Variants in DCC observed in about 807,000 individuals in gnomAD.
DCC encodes DCC netrin 1 receptor.
A neutral mutation model predicts 172.5 loss-of-function variants in DCC; 58 were observed. That is an observed-to-expected ratio of 0.34 (90% CI 0.27 to 0.42). The LOEUF is 0.42. Ranked by LOEUF, DCC falls within the 10% of genes least tolerant of loss-of-function variation. DCC has a pLI of 1.00. For synonymous variants in DCC, 709 were observed against 644.5 expected (o/e 1.10, Z -1.52); for missense variants, 1,740 against 1,791.0 (o/e 0.97, Z 0.51).
intron 1 of DCC, among the ~76,000 whole-genome samples, chr18:52,440,692 A>T (rs1357206352): frequency 2.0e-5 from 3 of 152,236 alleles, no homozygotes; most frequent in Non-Finnish European, 1.5e-5. Context: ...TTAGAAGAAC[A>T]TTAACTTTTT....
At chr18:53,492,541 A>G (rs969533358) in intron 26 of DCC, among the ~76,000 whole-genome samples, 1 of 152,162 alleles carries the variant, frequency 6.6e-6, no homozygotes, top group Non-Finnish European at 1.5e-5. Flanking sequence ...CAGTTTTCCC[A>G]ACACCATTTA....
At chr18:53,161,769 GTAGT>G (rs2054843143) in intron 8 of DCC, among the ~76,000 whole-genome samples, 1 of 151,946 alleles carries the variant, frequency 6.6e-6, no homozygotes, top group African/African-American at 2.4e-5. Context: ...TTCATAGCTC[GTAGT>G]TAATTTTTAA....
At chr18:53,057,330 C>T (rs928261455) in intron 5 of DCC, among the ~76,000 whole-genome samples, 8 of 151,958 alleles carry the variant, frequency 5.3e-5, no homozygotes, top group Non-Finnish European at 1.2e-4. Context: ...TTAAGGTTTG[C>T]CTGTACAACT....
intron 3 of DCC, among the ~76,000 whole-genome samples, chr18:52,913,993 C>G (rs16955838): frequency 1.3e-5 from 2 of 152,048 alleles, no homozygotes; most frequent in Admixed American, 6.6e-5. Flanking sequence ...TGATTCAACA[C>G]TGACAAAATG....
intron 27 of DCC, among the ~76,000 whole-genome samples, chr18:53,506,510 A>C (rs542080087): frequency 6.6e-6 from 1 of 152,280 alleles, no homozygotes; most frequent in South Asian, 2.1e-4. Flanking sequence ...TTTTTATGAA[A>C]ATAAACAGAC....
intron 7 of DCC, among the ~76,000 whole-genome samples, chr18:53,066,387 A>G (rs73957012): frequency 1.2e-4 from 10 of 81,838 alleles, no homozygotes; most frequent in Admixed American, 2.1e-4. Context: ...ATATATATAT[A>G]TATATATATA....
At chr18:52,499,467 A>G (rs756438322) in intron 1 of DCC, among the ~76,000 whole-genome samples, 7 of 152,104 alleles carry the variant, frequency 4.6e-5, no homozygotes, top group Non-Finnish European at 1.0e-4. Flanking sequence ...CCTTATCTTC[A>G]CTATTTCATC....
intron 2 of DCC, among the ~76,000 whole-genome samples, chr18:52,826,061 TGTTG>T (rs1402631849): frequency 6.6e-6 from 1 of 152,200 alleles, no homozygotes; most frequent in Non-Finnish European, 1.5e-5. Context: ...TAATAAAATG[TGTTG>T]GTTATAGCCC....
intron 1 of DCC, among the ~76,000 whole-genome samples, chr18:52,697,024 A>G (rs1180191981): frequency 1.3e-5 from 2 of 152,202 alleles, no homozygotes; most frequent in Admixed American, 6.5e-5. Flanking sequence ...TTAAAAAGGC[A>G]CTTTGTACTT....
At chr18:52,790,966 C>T (rs571206720) in intron 2 of DCC, among the ~76,000 whole-genome samples, 2 of 152,102 alleles carry the variant, frequency 1.3e-5, no homozygotes, top group Non-Finnish European at 2.9e-5. Context: ...GAAGTTGAAC[C>T]CTCGTGGCAT....
At chr18:52,980,896 TA>T (rs1264991450) in intron 5 of DCC, among the ~76,000 whole-genome samples, 1 of 151,166 alleles carries the variant, frequency 6.6e-6, no homozygotes, top group Non-Finnish European at 1.5e-5. Context: ...ATTTTTTCAT[TA>T]ATAAGTCACA....
At chr18:52,436,169 A>T (rs118052405) in intron 1 of DCC, among the ~76,000 whole-genome samples, 1,774 of 152,362 alleles carry the variant, frequency 0.012, 84 homozygotes, top group East Asian at 0.093. Flanking sequence ...ATACGTGGAC[A>T]TGAGTGTCAC....
At chr18:53,369,966 G>A (rs1378259231) in intron 15 of DCC, among the ~76,000 whole-genome samples, 3 of 151,622 alleles carry the variant, frequency 2.0e-5, no homozygotes, top group African/African-American at 4.8e-5. Flanking sequence ...GAAAATGCTG[G>A]CCTCATAGAA....
At chr18:53,417,149 A>T (rs1410157131) in intron 21 of DCC, among the ~76,000 whole-genome samples, 1 of 152,196 alleles carries the variant, frequency 6.6e-6, no homozygotes, top group African/African-American at 2.4e-5. Context: ...GCTTTCTTTC[A>T]ACAGGAATAC....
intron 5 of DCC, among the ~76,000 whole-genome samples, chr18:52,969,291 C>A (rs1284681491): frequency 6.6e-6 from 1 of 151,950 alleles, no homozygotes; most frequent in Non-Finnish European, 1.5e-5. Flanking sequence ...ATCTAAAGCA[C>A]CAAATAGCTG....
chr18:52,561,811 T>C (rs2033045676), intron 1 of DCC, among the ~76,000 whole-genome samples: 1 of 152,198 alleles, frequency 6.6e-6, no homozygotes. Context: ...TATACGCCCA[T>C]TAGCTGTTAC....
In DCC at chr18:52,936,050, TAA is replaced by T. The variant is rs555132444; in HGVS notation, c.985+10681_985+10682del. ...CCAAATGAATCATACTGAAATGAGT[TAA>T]GAGAGTTTTTGTATGTAGGGTTTTG... On this transcript the variant is annotated intron_variant, in intron 5 of 28. Coordinates refer to ENST00000442544, the MANE Select transcript of DCC (RefSeq NM_005215.4). Among the ~76,000 whole-genome samples the T allele has an allele frequency of 7.8e-3, 1,180 of 152,200 alleles. 7 individuals are homozygous for T. The highest frequency in any genetic ancestry group is 0.014 in the Non-Finnish European group (946 of 67,996).
At chr18:52,972,805 G>A (rs1054525371) in intron 5 of DCC, among the ~76,000 whole-genome samples, 1 of 152,080 alleles carries the variant, frequency 6.6e-6, no homozygotes, top group Non-Finnish European at 1.5e-5. Flanking sequence ...CTATTTATTT[G>A]GTGCTTAGCA....
intron 12 of DCC, among the ~76,000 whole-genome samples, chr18:53,246,829 G>A (rs187047837): frequency 2.6e-5 from 4 of 152,182 alleles, no homozygotes; most frequent in African/African-American, 7.2e-5. Context: ...TATAAAGTGC[G>A]TTTGAACAGT....
Sources: allele counts gnomAD v4.1 joint callset (sites outside exome capture counted in the v4.1 genomes callset), GRCh38; gene constraint gnomAD v4.1.1; transcripts MANE v1.5; gene names NCBI Gene and HGNC (gene_info 2026-07-23, HGNC 2026-07-21).